The following RFX7 variants were observed in gnomAD, a reference collection of about 807,000 sequenced individuals.
The protein encoded by RFX7 is DNA-binding protein RFX7.
Under a neutral mutation model 111.8 loss-of-function variants are expected in RFX7, and 26 were observed. The ratio of observed to expected loss-of-function variants is 0.23; its 90% CI spans 0.17 to 0.32. The LOEUF is 0.32. Ranked by LOEUF, RFX7 falls within the 10% of genes least tolerant of loss-of-function variation. The pLI is 1.00. For missense variants in RFX7, 1,573 were observed against 1,772.9 expected, an observed-to-expected ratio of 0.89 and a Z score of 2.02; for synonymous variants, 624 against 624.4, an observed-to-expected ratio of 1.00 and a Z score of 0.01.
intron 3 of RFX7, among the ~76,000 whole-genome samples, chr15:56,165,019 G>T (rs1326802322): frequency 6.6e-6 from 1 of 152,116 alleles, no homozygotes; most frequent in Non-Finnish European, 1.5e-5. Flanking sequence ...GATGGTTTTG[G>T]GACGTAACTG....
chr15:56,243,101 G>A, intron 2 of RFX7, 24 bp downstream of exon 2: 9 of 1,350,942 alleles, frequency 6.7e-6, no homozygotes, highest in Non-Finnish European at 8.9e-6. Flanking sequence ...GCTTTTTCAC[G>A]CGAGCGATGG....
At chr15:56,143,259 T>C (rs564518561) in intron 4 of RFX7, among the ~76,000 whole-genome samples, 33 of 152,104 alleles carry the variant, frequency 2.2e-4, no homozygotes, top group African/African-American at 8.0e-4. Flanking sequence ...TATATAAAAA[T>C]TGCTTATTTC....
chr15:56,157,737 G>A (rs905650110), intron 3 of RFX7, among the ~76,000 whole-genome samples: 7 of 152,104 alleles, frequency 4.6e-5, no homozygotes, highest in Admixed American at 1.3e-4. Flanking sequence ...GTGCCACCAC[G>A]CCCAGTTAAT....
chr15:56,228,845 C>T (rs1426185065), intron 2 of RFX7, among the ~76,000 whole-genome samples: 2 of 152,106 alleles, frequency 1.3e-5, no homozygotes, highest in East Asian at 3.8e-4. Flanking sequence ...CCTATATATA[C>T]TATGTTTTTT....
chr15:56,178,779 C>T (rs1263838236), intron 3 of RFX7, among the ~76,000 whole-genome samples: 2 of 152,104 alleles, frequency 1.3e-5, no homozygotes, highest in East Asian at 1.9e-4. Context: ...AAAACTAATC[C>T]ACTAAGCATC....
intron 5 of RFX7, among the ~76,000 whole-genome samples, chr15:56,114,083 A>G (rs1179632315): frequency 6.6e-6 from 1 of 152,068 alleles, no homozygotes; most frequent in African/African-American, 2.4e-5. Flanking sequence ...AAACTCTTCA[A>G]AAGTGCCTGA....
chr15:56,096,124 ACAG>A lies in RFX7; in HGVS notation c.1601_1603del (p.Ala534del). On this transcript the variant is annotated inframe_deletion, in exon 10 of 10. Coordinates refer to ENST00000559447, the MANE Select transcript of RFX7 (RefSeq NM_022841.7). Reference sequence around the variant, plus strand: ...TGTTTCGGGTTCCACTTTGACTTCCACAGCAGATGTTCCCCCCGCACTGCTGCT... The same window carrying A: ...TGTTTCGGGTTCCACTTTGACTTCCACAGATGTTCCCCCCGCACTGCTGCT... 3 of 1,613,792 alleles carry A rather than the reference ACAG, an allele frequency of 1.9e-6. No homozygotes were observed. The highest frequency in any genetic ancestry group is 1.7e-6 in the Non-Finnish European group (2 of 1,179,840).
Position 56,093,982 on chromosome 15 carries a change from A to T in RFX7, c.3746T>A (p.Ile1249Lys). 1.2e-6 allele frequency: 2 copies of T among 1,613,846 alleles called. No individual in the cohort carries two copies. The highest frequency in any genetic ancestry group is 1.7e-6 in the Non-Finnish European group (2 of 1,179,836). Residue 1249 changes from isoleucine to lysine, a missense_variant, in exon 10 of 10, where the codon ATA (isoleucine) becomes AAA (lysine). Ile to Lys is a moderately radical substitution (Grantham distance 102, BLOSUM62 -3). Transcript: ENST00000559447. ...ALQKQANSKK[I>K]TNVLLSKLDS... is the part of the protein sequence containing the mutation. ...AAGTTTACTCAACAAAACATTGGTT[A>T]TTTTTTTACTGTTTGCTTGCTTCTG...
In RFX7 at chr15:56,119,283, C is replaced by T. The variant is rs553353204; in HGVS notation, c.402-15613G>A. The stretch of plus-strand genomic sequence containing the variant: ...TGCACAGTGCAATGTCCTGGAGTTT[C>T]CCTAGTGTTCTCTTATAGTAGTTTC... On this transcript the variant is annotated intron_variant, in intron 5 of 9. Coordinates refer to ENST00000559447, the MANE Select transcript of RFX7 (RefSeq NM_022841.7). Among the ~76,000 whole-genome samples the T allele has an allele frequency of 7.9e-5, 12 of 152,258 alleles. No individual in the cohort carries two copies. The East Asian group carries it at 2.1e-3, about 27-fold the overall frequency.
chr15:56,144,361 A>G, intron 4 of RFX7, 40 bp downstream of exon 4: 2 of 1,163,000 alleles, frequency 1.7e-6, no homozygotes, highest in African/African-American at 3.1e-5. Context: ...GGGACATCCT[A>G]TAAACAGCAT....
At chr15:56,150,763 C>T (rs2042558405) in intron 3 of RFX7, among the ~76,000 whole-genome samples, 2 of 151,646 alleles carry the variant, frequency 1.3e-5, no homozygotes, top group Admixed American at 1.3e-4. Context: ...TAATAACGAA[C>T]AACTTTGAGC....
At chr15:56,132,662 A>C (rs1292364725) in intron 5 of RFX7, among the ~76,000 whole-genome samples, 1 of 152,150 alleles carries the variant, frequency 6.6e-6, no homozygotes, top group East Asian at 1.9e-4. Context: ...TAATGTTACA[A>C]GCTGTGACAA....
In RFX7 at chr15:56,109,498, T is replaced by C. The variant is rs1442425197; in HGVS notation, c.402-5828A>G. On this transcript the variant is annotated intron_variant, in intron 5 of 9. Transcript: ENST00000559447. Reference sequence around the variant, plus strand: ...CTGGGAGGTGAGGAGCGTCTCTGCCTGGCCGCCCATCGTCTGGGATGTGAG... The same window carrying C: ...CTGGGAGGTGAGGAGCGTCTCTGCCCGGCCGCCCATCGTCTGGGATGTGAG... Among the ~76,000 whole-genome samples, 11 of 146,308 alleles carry C rather than the reference T, an allele frequency of 7.5e-5. No individual in the cohort carries two copies. The South Asian group carries it at 1.8e-3, about 24-fold the overall frequency.
intron 3 of RFX7, among the ~76,000 whole-genome samples, chr15:56,168,024 A>C (rs150880539): frequency 6.6e-6 from 1 of 152,330 alleles, no homozygotes; most frequent in East Asian, 1.9e-4. Context: ...ATACTTCAGA[A>C]AATCTGTAAA....
At chr15:56,114,541 A>G (rs2140948715) in intron 5 of RFX7, among the ~76,000 whole-genome samples, 1 of 152,144 alleles carries the variant, frequency 6.6e-6, no homozygotes, top group South Asian at 2.1e-4. Context: ...ATGTTGAACA[A>G]TGATAGTAGT....
intron 5 of RFX7, among the ~76,000 whole-genome samples, chr15:56,108,748 A>T (rs1004389548): frequency 6.6e-6 from 1 of 152,228 alleles, no homozygotes; most frequent in East Asian, 1.9e-4. Context: ...GAAGAGACAA[A>T]GTCAAACTGT....
rs2041567844 is a variant in RFX7 at position 56,089,326 on chromosome 15, T to C, written c.*4019A>G. On this transcript the variant is annotated 3_prime_UTR_variant, in exon 10 of 10. Transcript: ENST00000559447. ...AGCTGTGGCAGCCATCTTGTGACTA[T>C]GAGGTAATAGACACAGCAAAGCAAA... The C allele has an allele frequency of 6.6e-6, 1 of 152,492 alleles. No individual in the cohort carries two copies. The highest frequency in any genetic ancestry group is 1.5e-5 in the Non-Finnish European group (1 of 68,022). 9.4% of individuals were successfully genotyped at this position (152,492 alleles called of 1,614,324 possible).
chr15:56,102,197 T>C lies in RFX7; in HGVS notation c.575A>G (p.Asn192Ser). The C allele has an allele frequency of 6.2e-7, 1 of 1,613,068 alleles. No homozygotes were observed. Among genetic ancestry groups the C allele is most frequent in the Non-Finnish European group, 8.5e-7 (1 of 1,179,336 alleles). Residue 192 changes from asparagine to serine, a missense_variant, in exon 7 of 10, where the codon AAC (asparagine) becomes AGC (serine). Transcript: ENST00000559447. ...ATCTCCAGTTTTGTGAAAGTCAAGG[T>C]TGGGCAGTGTTGGCATATGAACAAA... Reference protein sequence around the residue: ...KAFVHMPTLPNLDFHKTGDGL... With the variant: ...KAFVHMPTLPSLDFHKTGDGL...
intron 2 of RFX7, among the ~76,000 whole-genome samples, chr15:56,215,737 T>C (rs1203691070): frequency 2.0e-5 from 3 of 152,208 alleles, no homozygotes; most frequent in African/African-American, 7.2e-5. Flanking sequence ...TATTGCTGTA[T>C]AATAAACTAC....
Sources: gnomAD v4.1 joint callset for allele counts (sites outside exome capture counted in the v4.1 genomes callset) on GRCh38, gnomAD v4.1.1 for gene constraint, MANE v1.5 for transcripts, NCBI Gene and HGNC (gene_info 2026-07-23, HGNC 2026-07-21) for gene names.